Variants in TRIP12 observed in about 807,000 individuals in gnomAD.
TRIP12 encodes thyroid hormone receptor interactor 12.
Under a neutral mutation model 244.2 loss-of-function variants are expected in TRIP12, and 25 were observed. That is an observed-to-expected ratio of 0.10 (90% confidence interval 0.07 to 0.14). The LOEUF (loss-of-function observed/expected upper bound fraction) is 0.14, where lower values mean the gene tolerates loss of function less well. Among genes scored for constraint, TRIP12 ranks in the 10% least tolerant of loss-of-function variants. TRIP12 has a pLI of 1.00. For synonymous variants in TRIP12, 905 were observed against 873.1 expected (o/e 1.04, Z -0.64); for missense variants, 1,677 against 2,486.4 (o/e 0.67, Z 6.92).
chr2:229,830,670 A>G, intron 7 of TRIP12, 86 bp downstream of exon 7: 1 of 1,382,006 alleles, frequency 7.2e-7, no homozygotes, highest in South Asian at 1.3e-5. Flanking sequence ...GGTCAAATGA[A>G]TTTAACTAAA....
intron 38 of TRIP12, 194 bp downstream of exon 38, chr2:229,773,903 A>G (rs1348971829): frequency 2.2e-5 from 10 of 457,328 alleles, no homozygotes; most frequent in Non-Finnish European, 3.5e-5. Context: ...TCAAGGTTAT[A>G]TAAGACAGGA....
intron 18 of TRIP12, among the ~76,000 whole-genome samples, chr2:229,804,905 ATTAAT>A (rs141171389): frequency 0.054 from 8,219 of 151,898 alleles, 744 homozygotes; most frequent in African/African-American, 0.19. Context: ...ATTTTATTTA[ATTAAT>A]TTATTTATTT....
At chr2:229,798,749 C>G in intron 23 of TRIP12, 126 bp downstream of exon 23, 2 of 1,059,780 alleles carry the variant, frequency 1.9e-6, no homozygotes, top group Non-Finnish European at 2.7e-6. Context: ...TTGAACTATG[C>G]TTTTAAGAAC....
intron 1 of TRIP12, among the ~76,000 whole-genome samples, chr2:229,881,888 G>T (rs1487468627): frequency 1.3e-5 from 2 of 152,140 alleles, no homozygotes; most frequent in African/African-American, 4.8e-5. Flanking sequence ...AAGGACTGGG[G>T]GATCCAGAGT....
intron 13 of TRIP12, 48 bp downstream of exon 13, chr2:229,813,822 A>T: frequency 1.5e-6 from 2 of 1,295,236 alleles, no homozygotes; most frequent in Non-Finnish European, 2.0e-6. Flanking sequence ...AATTAAAAAA[A>T]TTAGTAATAA....
intron 24 of TRIP12, 111 bp from the exon 25 acceptor site, chr2:229,796,893 G>C (rs143306420): frequency 0.013 from 11,568 of 896,338 alleles, 110 homozygotes; most frequent in Middle Eastern, 0.047. Flanking sequence ...CCTTAAAAAA[G>C]AGGGCAGGGG....
chr2:229,785,722 C>A lies in TRIP12; in HGVS notation c.5094+35G>T. On this transcript the variant is annotated intron_variant, in intron 34 of 41. Coordinates refer to ENST00000675903, the MANE Select transcript of TRIP12 (RefSeq NM_001348323.3). ...ATAACATTTAATTAAGAGCACAAGT[C>A]AAGCTAAATAACCATCACCAGACTC... The A allele has an allele frequency of 1.9e-6, 3 of 1,580,502 alleles. No homozygotes were observed. The South Asian group carries it at 3.4e-5, about 18-fold the overall frequency.
chr2:229,810,346 A>G (rs962203874), intron 15 of TRIP12, among the ~76,000 whole-genome samples: 1 of 152,266 alleles, frequency 6.6e-6, no homozygotes, highest in Non-Finnish European at 1.5e-5. Context: ...CACACTGTGT[A>G]AAGGTTTAGA....
At position 229,810,913 on chromosome 2, in the gene TRIP12, A is replaced by C; in HGVS notation, c.2188T>G (p.Cys730Gly). Residue 730 changes from cysteine to glycine, a missense_variant, in exon 15 of 42, where the codon TGT (cysteine) becomes GGT (glycine). Physicochemically the swap from Cys to Gly is radical, Grantham distance 159 (BLOSUM62 -3). Around this residue, in one of 11 missense-constraint regions of TRIP12, gnomAD observed 572 missense variants for 867.8 expected, o/e 0.66. Coordinates refer to ENST00000675903, the MANE Select transcript of TRIP12 (RefSeq NM_001348323.3). ...ATAAGTTGAACAGCTAAAGTTGGACAGTTGGAACACATCAGAGAAAACATG... is the reference window on the plus strand; with the variant it reads ...ATAAGTTGAACAGCTAAAGTTGGACCGTTGGAACACATCAGAGAAAACATG... ...VRMFSLMCSN[C>G]PTLAVQLMKQ... The C allele has an allele frequency of 6.2e-7, 1 of 1,614,084 alleles. No individual in the cohort carries two copies. The highest frequency in any genetic ancestry group is 8.5e-7 in the Non-Finnish European group (1 of 1,179,972).
chr2:229,803,117 T>A (rs1158385966), intron 20 of TRIP12, among the ~76,000 whole-genome samples: 3 of 152,206 alleles, frequency 2.0e-5, no homozygotes, highest in African/African-American at 7.2e-5. Context: ...TTAACGTGAG[T>A]GAATGAGCAC....
rs575011782 is a variant in TRIP12, at chr2:229,843,121, C to G, written c.1028-2194G>C. Among the ~76,000 whole-genome samples the G allele has an allele frequency of 2.9e-4, 43 of 149,242 alleles. 1 individual carries two copies. The highest frequency in any genetic ancestry group is 9.6e-4 in the African/African-American group (39 of 40,506). On this transcript the variant is annotated intron_variant, in intron 4 of 41. Coordinates refer to ENST00000675903, the MANE Select transcript of TRIP12 (RefSeq NM_001348323.3). ...CTCTCCCTCCCTCTCTCCCCACCCC[C>G]CTTTCCCAGGCTCTGTAATGCAGCA... is the stretch of plus-strand genomic sequence containing the variant.
chr2:229,862,108 G>A (rs921853917), intron 2 of TRIP12, among the ~76,000 whole-genome samples: 3 of 152,132 alleles, frequency 2.0e-5, no homozygotes, highest in African/African-American at 7.2e-5. Flanking sequence ...CCAGGCTGGA[G>A]TGCAGCGACA....
chr2:229,864,077 T>TGTGTGC (rs887815926), intron 2 of TRIP12, among the ~76,000 whole-genome samples: 15 of 140,544 alleles, frequency 1.1e-4, no homozygotes, highest in Non-Finnish European at 1.7e-4. Context: ...TGTGTGTGTG[T>TGTGTGC]GCACGCGCAC....
intron 2 of TRIP12, among the ~76,000 whole-genome samples, chr2:229,876,110 C>A (rs1370957229): frequency 6.6e-6 from 1 of 152,056 alleles, no homozygotes; most frequent in Non-Finnish European, 1.5e-5. Flanking sequence ...CTCGTCTTTA[C>A]TAAAAATACA....
rs777901618 is a variant in TRIP12, at chr2:229,771,677, C to T, written c.5695-45G>A. The stretch of plus-strand genomic sequence containing the variant: ...AAAAAACTGTGACAAGATTTCAAAT[C>T]TCTTTACTATTTAATATGTGGCAAA... On this transcript the variant is annotated intron_variant, in intron 38 of 41. Transcript: ENST00000675903. 4 of 1,449,224 alleles carry T rather than the reference C, an allele frequency of 2.8e-6. No individual in the cohort carries two copies. In the African/African-American group the frequency reaches 5.6e-5, roughly 20 times the overall value. 89.8% of individuals were successfully genotyped at this position (1,449,224 alleles called of 1,614,324 possible). A position where few individuals can be genotyped will look rare whatever the true frequency, so the allele number is the denominator to read the frequency against.
intron 1 of TRIP12, among the ~76,000 whole-genome samples, chr2:229,919,882 G>C (rs1175737414): frequency 6.6e-6 from 1 of 152,166 alleles, no homozygotes; most frequent in Non-Finnish European, 1.5e-5. Flanking sequence ...AGTCACAGCA[G>C]TTCAACATTT....
chr2:229,871,181 A>AGAGAGGGGAGGAGAGGGGAG (rs1373305535), intron 2 of TRIP12, among the ~76,000 whole-genome samples: 1 of 131,782 alleles, frequency 7.6e-6, no homozygotes, highest in Non-Finnish European at 1.6e-5. Flanking sequence ...CAAGAAAAGA[A>AGAGAGGGGAGGAGAGGGGAG]GAGAGGGGAG....
intron 6 of TRIP12, 59 bp from the exon 7 acceptor site, chr2:229,830,898 C>T: frequency 1.9e-6 from 3 of 1,566,886 alleles, no homozygotes; most frequent in South Asian, 1.1e-5. Flanking sequence ...TTATGTCTGG[C>T]TTACCTTAGA....
In TRIP12 at chr2:229,765,915, T is replaced by C. The variant is rs1358365074; in HGVS notation, c.*1639A>G. ...CCTCTGACAGTTCCCTTCCACTTAA[T>C]GGGGTCACTGCCCAAGTGAACTCTC... On this transcript the variant is annotated 3_prime_UTR_variant, in exon 42 of 42. Coordinates refer to ENST00000675903, the MANE Select transcript of TRIP12 (RefSeq NM_001348323.3). 2 of 152,170 alleles carry C rather than the reference T, an allele frequency of 1.3e-5. No individual in the cohort carries two copies. Among genetic ancestry groups the C allele is most frequent in the African/African-American group, 4.8e-5 (2 of 41,446 alleles). 9.4% of individuals were successfully genotyped at this position (152,170 alleles called of 1,614,324 possible).
Sources: allele counts gnomAD v4.1 joint callset (sites outside exome capture counted in the v4.1 genomes callset), GRCh38; gene constraint gnomAD v4.1.1; regional missense constraint gnomAD v4.1.1; transcripts MANE v1.5; gene names NCBI Gene and HGNC (gene_info 2026-07-23, HGNC 2026-07-21).